Variants in HDAC9 observed in about 807,000 individuals in gnomAD.
HDAC9 encodes the protein MEF-2 interacting transcription repressor (MITR) protein.
In HDAC9, 41 loss-of-function variants were observed where a neutral mutation model predicts 139.4. That is an observed-to-expected ratio of 0.29 (90% confidence interval 0.23 to 0.38). HDAC9 has a LOEUF of 0.38. Ranked by LOEUF, HDAC9 falls within the 10% of genes least tolerant of loss-of-function variation. The pLI is 1.00. For missense variants in HDAC9, 1,147 were observed against 1,297.0 expected, an observed-to-expected ratio of 0.88 and a Z score of 1.78; for synonymous variants, 517 against 476.2, an observed-to-expected ratio of 1.09 and a Z score of -1.12.
intron 1 of HDAC9, among the ~76,000 whole-genome samples, chr7:18,431,748 G>A (rs191778677): frequency 1.9e-3 from 296 of 152,214 alleles, no homozygotes; most frequent in Admixed American, 3.3e-3. Context: ...CAATAAATAC[G>A]TAAAATACGA....
intron 22 of HDAC9, among the ~76,000 whole-genome samples, chr7:18,896,334 T>C (rs546385126): frequency 1.3e-5 from 2 of 152,180 alleles, no homozygotes; most frequent in Non-Finnish European, 2.9e-5. Flanking sequence ...AATATGTATA[T>C]TTTTTCCAAC....
chr7:18,880,118 C>T (rs149169995), intron 22 of HDAC9, among the ~76,000 whole-genome samples: 182 of 152,220 alleles, frequency 1.2e-3, no homozygotes, highest in African/African-American at 4.4e-3. Flanking sequence ...TACCATCTCA[C>T]ACAGGTCAGA....
At chr7:18,544,961 A>G (rs539204992) in intron 2 of HDAC9, among the ~76,000 whole-genome samples, 1 of 152,182 alleles carries the variant, frequency 6.6e-6, no homozygotes, top group East Asian at 1.9e-4. Context: ...TTGGTTGTCA[A>G]AACTGAGCGG....
Position 18,938,366 on chromosome 7 carries a change from C to T in HDAC9, c.2937+2424C>T, listed in dbSNP as rs372889356. ...ATCGCAGCACTTTGGGAGGCCGAGGCGGGTGGATCACGAGGTCATGAGATC... is the reference window on the plus strand; with the variant it reads ...ATCGCAGCACTTTGGGAGGCCGAGGTGGGTGGATCACGAGGTCATGAGATC... On this transcript the variant is annotated intron_variant, in intron 23 of 25. Transcript: ENST00000686413. Among the ~76,000 whole-genome samples the T allele has an allele frequency of 2.6e-5, 4 of 151,796 alleles. No individual in the cohort carries two copies. The East Asian group carries it at 7.8e-4, about 29-fold the overall frequency.
chr7:18,150,655 A>T (rs1786710822), intron 1 of HDAC9, among the ~76,000 whole-genome samples: 1 of 152,206 alleles, frequency 6.6e-6, no homozygotes. Context: ...GCAAAGTCCC[A>T]CAACTTTTCT....
chr7:18,808,888 C>T (rs1392961401), intron 17 of HDAC9, among the ~76,000 whole-genome samples: 2 of 151,770 alleles, frequency 1.3e-5, no homozygotes, highest in African/African-American at 4.8e-5. Context: ...CAAACAACAA[C>T]AACAACAACA....
chr7:18,156,537 A>T (rs1257365403), intron 1 of HDAC9, among the ~76,000 whole-genome samples: 1 of 152,232 alleles, frequency 6.6e-6, no homozygotes, highest in African/African-American at 2.4e-5. Flanking sequence ...TCATTGGTCA[A>T]GTTCTTACTG....
intron 1 of HDAC9, among the ~76,000 whole-genome samples, chr7:18,303,287 G>A (rs1038599184): frequency 6.6e-6 from 1 of 151,770 alleles, no homozygotes; most frequent in East Asian, 1.9e-4. Context: ...GCGCGATCTC[G>A]GCTCACTGCA....
chr7:18,966,943 T>A (rs1329481226), intron 24 of HDAC9, among the ~76,000 whole-genome samples: 1 of 152,226 alleles, frequency 6.6e-6, no homozygotes, highest in African/African-American at 2.4e-5. Flanking sequence ...TTAGCTGAAA[T>A]GAGCTCACAA....
chr7:18,902,109 G>A lies in HDAC9; in HGVS notation c.2803+27513G>A, dbSNP rs1023752366. 2.6e-5 allele frequency among the ~76,000 whole-genome samples: 4 copies of A among 152,336 alleles called. No individual in the cohort carries two copies. In the South Asian group the frequency reaches 8.3e-4, roughly 32 times the overall value. Reference sequence around the variant, plus strand: ...TGCTGGAGGCTGAAGCCTCTGGAATGAGTCTCAGGGAGAATGTACTGCATC... The same window carrying A: ...TGCTGGAGGCTGAAGCCTCTGGAATAAGTCTCAGGGAGAATGTACTGCATC... On this transcript the variant is annotated intron_variant, in intron 22 of 25. Coordinates refer to ENST00000686413, the MANE Select transcript of HDAC9 (RefSeq NM_178425.4).
At chr7:18,600,992 T>C (rs996541464) in intron 6 of HDAC9, among the ~76,000 whole-genome samples, 11 of 152,028 alleles carry the variant, frequency 7.2e-5, no homozygotes, top group African/African-American at 2.4e-4. Context: ...TTCGTAGAGA[T>C]GGAGTTTTGC....
chr7:18,642,343 A>C (rs1015004078), intron 8 of HDAC9, among the ~76,000 whole-genome samples: 1 of 151,916 alleles, frequency 6.6e-6, no homozygotes, highest in Non-Finnish European at 1.5e-5. Context: ...TTCTCCTCCA[A>C]AGCCACCACC....
chr7:18,517,230 A>G (rs983595715), intron 2 of HDAC9, among the ~76,000 whole-genome samples: 2 of 152,218 alleles, frequency 1.3e-5, no homozygotes, highest in African/African-American at 4.8e-5. Flanking sequence ...ATATCTTTTA[A>G]GAGTCCGTCA....
chr7:18,237,519 G>C (rs1793902235), intron 2 of HDAC9, among the ~76,000 whole-genome samples: 1 of 152,126 alleles, frequency 6.6e-6, no homozygotes, highest in Non-Finnish European at 1.5e-5. Context: ...ATAAAATAGA[G>C]GGATTATGAG....
At chr7:18,123,262 T>C (rs771543339) in intron 1 of HDAC9, among the ~76,000 whole-genome samples, 1 of 152,172 alleles carries the variant, frequency 6.6e-6, no homozygotes, top group Non-Finnish European at 1.5e-5. Context: ...CATTTATCAG[T>C]TTAAAAGCCA....
intron 6 of HDAC9, among the ~76,000 whole-genome samples, chr7:18,620,836 T>A (rs1323335089): frequency 6.6e-6 from 1 of 151,972 alleles, no homozygotes; most frequent in Non-Finnish European, 1.5e-5. Context: ...TGTATGACCA[T>A]TTTTTTTCCC....
rs140763026 is a variant in HDAC9, at chr7:18,790,447, G to A, written c.2215-2898G>A. 3.3e-3 allele frequency among the ~76,000 whole-genome samples: 502 copies of A among 152,124 alleles called. 4 individuals carry two copies. The highest frequency in any genetic ancestry group is 0.011 in the African/African-American group (465 of 41,498). ...GCAGATGTGGCCATCTGCAAGCCAA[G>A]GGGAGAGTCCTCACCAGTCACCAAA... is the stretch of plus-strand genomic sequence containing the variant. On this transcript the variant is annotated intron_variant, in intron 16 of 25. Coordinates refer to ENST00000686413, the MANE Select transcript of HDAC9 (RefSeq NM_178425.4).
intron 1 of HDAC9, among the ~76,000 whole-genome samples, chr7:18,115,163 GGC>G (rs1477229271): frequency 6.6e-6 from 1 of 151,954 alleles, no homozygotes; most frequent in Non-Finnish European, 1.5e-5. Context: ...CTTGGTGGCG[GGC>G]GCCTGTAGTC....
intron 2 of HDAC9, among the ~76,000 whole-genome samples, chr7:18,223,612 C>T (rs1199880219): frequency 6.6e-6 from 1 of 151,992 alleles, no homozygotes; most frequent in African/African-American, 2.4e-5. Flanking sequence ...ACAAGAAAAT[C>T]TCCTGTATTG....
Sources: allele counts gnomAD v4.1 joint callset (sites outside exome capture counted in the v4.1 genomes callset), GRCh38; gene constraint gnomAD v4.1.1; transcripts MANE v1.5; gene names NCBI Gene and HGNC (gene_info 2026-07-23, HGNC 2026-07-21).